The following CCDC141 variants were observed in gnomAD, a reference collection of about 807,000 sequenced individuals.
CCDC141 encodes the protein coiled-coil domain containing 141.
In CCDC141, 168 loss-of-function variants were observed where a neutral mutation model predicts 181.0. The ratio of observed to expected loss-of-function variants is 0.93; its 90% CI spans 0.82 to 1.05. The LOEUF (loss-of-function observed/expected upper bound fraction) is 1.05, where lower values mean the gene tolerates loss of function less well. Ranked by LOEUF, CCDC141 falls within the 50% of genes least tolerant of loss-of-function variation. The probability of loss-of-function intolerance (pLI) is 0.00; values close to 1 mark genes in which losing one functional copy is unlikely to be tolerated. For synonymous variants in CCDC141, 666 were observed against 642.3 expected (o/e 1.04, Z -0.56); for missense variants, 1,902 against 1,788.5 (o/e 1.06, Z -1.14).
intron 5 of CCDC141, among the ~76,000 whole-genome samples, chr2:178,956,594 G>A (rs967642751): frequency 8.5e-5 from 13 of 152,076 alleles, no homozygotes; most frequent in African/African-American, 3.1e-4. Flanking sequence ...TCACCACCAC[G>A]CCCAGCCTAA....
Position 178,837,715 on chromosome 2 carries a change from G to C in CCDC141, c.3504C>G (p.Gly1168=), listed in dbSNP as rs376409802. ...GTCGCTCTTCCCCTGTTCCATTGAT[G>C]CCCAAAAGATCTGCCACCTGCACCT... The part of the protein sequence containing the change: ...KGQVQVADLL[G]INGTGEERLP... Residue 1168 remains glycine, a synonymous_variant, in exon 23 of 24, where the codon GGC becomes GGG. Transcript: ENST00000443758. 2 of 1,612,460 alleles carry C rather than the reference G, an allele frequency of 1.2e-6. No homozygotes were observed. The highest frequency in any genetic ancestry group is 3.3e-5 in the Admixed American group (2 of 59,764).
chr2:178,839,400 G>A (rs1217720110), intron 22 of CCDC141, among the ~76,000 whole-genome samples: 1 of 144,522 alleles, frequency 6.9e-6, no homozygotes, highest in Non-Finnish European at 1.5e-5. Context: ...GCAACAGAGT[G>A]AGACTCTGTC....
chr2:178,828,745 A>G (rs1204492561), downstream of CCDC141, among the ~76,000 whole-genome samples: 1 of 152,220 alleles, frequency 6.6e-6, no homozygotes, highest in African/African-American at 2.4e-5. Flanking sequence ...CTTATTACAA[A>G]GCGAGGTGGC....
At chr2:178,917,862 A>G (rs1688520359) in intron 7 of CCDC141, among the ~76,000 whole-genome samples, 1 of 152,226 alleles carries the variant, frequency 6.6e-6, no homozygotes, top group South Asian at 2.1e-4. Flanking sequence ...TGACTTAAAA[A>G]GGCAAGACCA....
Position 179,042,847 on chromosome 2 carries a change from A to G in CCDC141, c.225+4437T>C, listed in dbSNP as rs1343760304. Among the ~76,000 whole-genome samples, 9 of 152,320 alleles carry G rather than the reference A, an allele frequency of 5.9e-5. No homozygotes were observed. In the South Asian group the frequency reaches 1.0e-3, roughly 18 times the overall value. ...AACAACCCACTTAAGCTGGCAGAAG[A>G]CAAGAAATAACCAAGATCAGAGCTG... On this transcript the variant is annotated intron_variant, in intron 2 of 23. Transcript: ENST00000443758.
intron 4 of CCDC141, among the ~76,000 whole-genome samples, chr2:178,967,580 C>T (rs1385148799): frequency 6.6e-6 from 1 of 152,096 alleles, no homozygotes; most frequent in East Asian, 1.9e-4. Flanking sequence ...TACAAGAGCT[C>T]CTGAAGGAAG....
At chr2:178,901,446 T>C (rs1443796018) in intron 8 of CCDC141, among the ~76,000 whole-genome samples, 2 of 152,004 alleles carry the variant, frequency 1.3e-5, no homozygotes, top group Non-Finnish European at 2.9e-5. Flanking sequence ...GCAAGGCTGG[T>C]TCAATATACG....
chr2:178,918,298 C>T (rs957164252), intron 7 of CCDC141, among the ~76,000 whole-genome samples: 1 of 151,958 alleles, frequency 6.6e-6, no homozygotes, highest in Non-Finnish European at 1.5e-5. Flanking sequence ...ATTCCAGCTA[C>T]GTGGGAGGCT....
At chr2:178,880,300 T>C (rs1686536550) in intron 11 of CCDC141, among the ~76,000 whole-genome samples, 1 of 152,240 alleles carries the variant, frequency 6.6e-6, no homozygotes, top group African/African-American at 2.4e-5. Context: ...GTGATAAAAG[T>C]TATTTGCAAT....
At chr2:179,024,854 G>A (rs1466725775) in intron 2 of CCDC141, among the ~76,000 whole-genome samples, 1 of 151,928 alleles carries the variant, frequency 6.6e-6, no homozygotes, top group African/African-American at 2.4e-5. Flanking sequence ...TGTTTCTTTG[G>A]GTTATAGTCA....
intron 17 of CCDC141, among the ~76,000 whole-genome samples, chr2:178,858,851 T>G (rs964573907): frequency 6.6e-6 from 1 of 152,170 alleles, no homozygotes; most frequent in African/African-American, 2.4e-5. Flanking sequence ...TGATAACCAT[T>G]GGATTACATC....
chr2:178,857,985 C>G (rs1468721782), intron 17 of CCDC141, among the ~76,000 whole-genome samples: 1 of 152,098 alleles, frequency 6.6e-6, no homozygotes, highest in African/African-American at 2.4e-5. Context: ...CTTTAAAGCC[C>G]TAGTGGAATT....
chr2:178,863,120 T>C (rs1199333926), intron 17 of CCDC141, among the ~76,000 whole-genome samples: 2 of 152,218 alleles, frequency 1.3e-5, no homozygotes, highest in Non-Finnish European at 2.9e-5. Context: ...ATAAGCATGT[T>C]GGTGCCCAAC....
At position 178,959,331 on chromosome 2, in the gene CCDC141, A is replaced by G. The variant is rs571667582; in HGVS notation, c.780+1899T>C. ...AAAATAAAAAATAAAACACTACAGAAAAAAAAAAGAATGAAGAGATAAAAG... is the reference window on the plus strand; with the variant it reads ...AAAATAAAAAATAAAACACTACAGAGAAAAAAAAGAATGAAGAGATAAAAG... On this transcript the variant is annotated intron_variant, in intron 5 of 23. Transcript: ENST00000443758. 1.5e-4 allele frequency among the ~76,000 whole-genome samples: 23 copies of G among 151,470 alleles called. No individual in the cohort carries two copies. The East Asian group carries it at 4.1e-3, about 27-fold the overall frequency.
In CCDC141 at chr2:179,023,842, G is replaced by C. The variant is rs189577672; in HGVS notation, c.225+23442C>G. Among the ~76,000 whole-genome samples the C allele has an allele frequency of 3.9e-3, 592 of 152,296 alleles. 3 individuals carry two copies. The highest frequency in any genetic ancestry group is 6.0e-3 in the Non-Finnish European group (411 of 68,034). Reference sequence around the variant, plus strand: ...CCCACAGAGAGTCTTATCTCATAGAGGTCTGGAGAGCTGCCCTTTAACAGG... The same window carrying C: ...CCCACAGAGAGTCTTATCTCATAGACGTCTGGAGAGCTGCCCTTTAACAGG... On this transcript the variant is annotated intron_variant, in intron 2 of 23. Transcript: ENST00000443758.
At chr2:179,042,373 T>G (rs2043334641) in intron 2 of CCDC141, among the ~76,000 whole-genome samples, 1 of 152,148 alleles carries the variant, frequency 6.6e-6, no homozygotes. Context: ...TTTGACAGTC[T>G]TGCTCCGTCT....
chr2:178,815,477 T>C, the CCDC141 span, among the ~76,000 whole-genome samples: 1 of 152,194 alleles, frequency 6.6e-6, no homozygotes, highest in Non-Finnish European at 1.5e-5. Context: ...TTTGTCAAAA[T>C]GAAGGAACAC....
At chr2:178,971,626 G>T (rs1300200227) in intron 4 of CCDC141, among the ~76,000 whole-genome samples, 1 of 152,168 alleles carries the variant, frequency 6.6e-6, no homozygotes, top group Non-Finnish European at 1.5e-5. Context: ...GCACATGTAT[G>T]TTTATTGCGG....
intron 8 of CCDC141, among the ~76,000 whole-genome samples, chr2:178,898,089 G>A (rs73041944): frequency 6.6e-6 from 1 of 152,302 alleles, no homozygotes; most frequent in African/African-American, 2.4e-5. Context: ...TTGAGGCTTG[G>A]TTCTCAATGA....
Sources: gnomAD v4.1 joint callset for allele counts (sites outside exome capture counted in the v4.1 genomes callset) on GRCh38, gnomAD v4.1.1 for gene constraint, MANE v1.5 for transcripts, NCBI Gene and HGNC (gene_info 2026-07-23, HGNC 2026-07-21) for gene names.